Variants in FUT8 observed in about 807,000 individuals in gnomAD.
FUT8 encodes fucosyltransferase 8, also known as alpha-(1,6)-fucosyltransferase.
FUT8 carries 29 observed loss-of-function variants against 71.3 expected under a neutral mutation model. The ratio of observed to expected loss-of-function variants is 0.41; its 90% confidence interval spans 0.30 to 0.55. The LOEUF (loss-of-function observed/expected upper bound fraction) is 0.55. Ranked by LOEUF, FUT8 falls within the 20% of genes least tolerant of loss-of-function variation. The probability of loss-of-function intolerance (pLI) is 0.34; values close to 1 mark genes in which losing one functional copy is unlikely to be tolerated. For synonymous variants in FUT8, 254 were observed against 239.3 expected, an observed-to-expected ratio of 1.06 and a Z score of -0.57; for missense variants, 544 against 702.1, an observed-to-expected ratio of 0.77 and a Z score of 2.55.
At position 65,611,257 on chromosome 14, in the gene FUT8, A is replaced by ACCCCAAGTAATAGCCTTGATTTTG. The variant is rs1566851204; in HGVS notation, c.204-4720_204-4719insCCCAAGTAATAGCCTTGATTTTGC. 2.2e-4 allele frequency among the ~76,000 whole-genome samples: 17 copies of ACCCCAAGTAATAGCCTTGATTTTG among 78,006 alleles called. 3 individuals are homozygous for ACCCCAAGTAATAGCCTTGATTTTG. Among genetic ancestry groups the ACCCCAAGTAATAGCCTTGATTTTG allele is most frequent in the African/African-American group, 1.6e-3 (17 of 10,730 alleles). 51.2% of individuals were successfully genotyped at this position (78,006 alleles called of 152,430 possible). A position where few individuals can be genotyped will look rare whatever the true frequency, so the allele number is the denominator to read the frequency against. On this transcript the variant is annotated intron_variant, in intron 3 of 10. Transcript: ENST00000673929. ...CACACACACACACACACACACACAC[A>ACCCCAAGTAATAGCCTTGATTTTG]CACACACACACACACACACACACAC...
At chr14:65,632,068 T>TATACATATACATATACAC (rs1890213488) in intron 6 of FUT8, among the ~76,000 whole-genome samples, 1 of 152,202 alleles carries the variant, frequency 6.6e-6, no homozygotes, top group African/African-American at 2.4e-5. Context: ...CCACTCTGCA[T>TATACATATACATATACAC]ATACATATAC....
intron 3 of FUT8, among the ~76,000 whole-genome samples, chr14:65,577,050 A>G (rs148885844): frequency 1.3e-5 from 2 of 151,554 alleles, no homozygotes; most frequent in African/African-American, 2.4e-5. Context: ...GGGTCTCCCT[A>G]TGTTGCCCAG....
chr14:65,589,707 G>A (rs538050258), intron 3 of FUT8, among the ~76,000 whole-genome samples: 115 of 152,236 alleles, frequency 7.6e-4, no homozygotes, highest in African/African-American at 2.6e-3. Flanking sequence ...GCCTCCCAAA[G>A]TGCTGGGATT....
At chr14:65,549,655 T>C (rs1885176680) in intron 2 of FUT8, among the ~76,000 whole-genome samples, 1 of 152,218 alleles carries the variant, frequency 6.6e-6, no homozygotes, top group South Asian at 2.1e-4. Context: ...GCTTTTTGCC[T>C]AACTAATGAT....
In FUT8 at chr14:65,611,299, A is replaced by ACCC. The variant is rs1566851583; in HGVS notation, c.204-4678_204-4677insCCC. Among the ~76,000 whole-genome samples the ACCC allele has an allele frequency of 6.0e-5, 3 of 49,640 alleles. 1 individual carries two copies. Among genetic ancestry groups the ACCC allele is most frequent in the East Asian group, 1.1e-3 (1 of 930 alleles). The allele number at this position is 49,640 out of a possible 152,430, so 32.6% of individuals were successfully genotyped here. ...CACACACACACACACACACACACAC[A>ACCC]CACCCCCCAAGTAATAGCCTTGATT... On this transcript the variant is annotated intron_variant, in intron 3 of 10. Coordinates refer to ENST00000673929, the MANE Select transcript of FUT8 (RefSeq NM_001371533.1).
chr14:65,474,058 T>C (rs1158593836), intron 2 of FUT8, among the ~76,000 whole-genome samples: 2 of 152,110 alleles, frequency 1.3e-5, no homozygotes, highest in African/African-American at 4.8e-5. Context: ...CAAAACTGAA[T>C]ACCATATGTT....
chr14:65,720,539 A>G (rs1478555540), intron 7 of FUT8, among the ~76,000 whole-genome samples: 1 of 152,188 alleles, frequency 6.6e-6, no homozygotes, highest in African/African-American at 2.4e-5. Context: ...GGAAGGAAGG[A>G]GTCTCTTTTG....
intron 3 of FUT8, among the ~76,000 whole-genome samples, chr14:65,612,280 T>C (rs948356510): frequency 2.6e-5 from 4 of 152,216 alleles, no homozygotes; most frequent in Non-Finnish European, 5.9e-5. Context: ...ATTTTGTCTT[T>C]TAATAATTGT....
chr14:65,414,016 A>G (rs1595340367), intron 1 of FUT8, among the ~76,000 whole-genome samples: 1 of 152,284 alleles, frequency 6.6e-6, no homozygotes, highest in South Asian at 2.1e-4. Flanking sequence ...CATATAATAT[A>G]TAGATTGAGG....
the FUT8 span, among the ~76,000 whole-genome samples, chr14:65,396,284 G>A: frequency 6.6e-6 from 1 of 152,044 alleles, no homozygotes; most frequent in Non-Finnish European, 1.5e-5. This position sits in a 1 kb window ranked among gnomAD's most constrained non-coding sequence, Gnocchi z 5.5. Flanking sequence ...CCCACTCTTG[G>A]TACCAACTTA....
intron 3 of FUT8, among the ~76,000 whole-genome samples, chr14:65,601,287 A>C (rs1183757470): frequency 6.6e-6 from 1 of 152,334 alleles, no homozygotes; most frequent in East Asian, 1.9e-4. Context: ...TTCTCCATGT[A>C]TCGAATTTGA....
chr14:65,461,235 A>G (rs1303518374), intron 2 of FUT8, among the ~76,000 whole-genome samples: 7 of 152,158 alleles, frequency 4.6e-5, no homozygotes, highest in Non-Finnish European at 8.8e-5. Context: ...GCATAACTCC[A>G]ATCTCTACCT....
At chr14:65,648,797 A>G (rs965263726) in intron 6 of FUT8, among the ~76,000 whole-genome samples, 2 of 152,158 alleles carry the variant, frequency 1.3e-5, no homozygotes, top group Non-Finnish European at 2.9e-5. Context: ...CTTTTCATTT[A>G]GTTCTTAATT....
the FUT8 span, among the ~76,000 whole-genome samples, chr14:65,384,984 C>A: frequency 8.6e-4 from 130 of 151,968 alleles, no homozygotes; most frequent in Non-Finnish European, 1.5e-3. This position sits in a 1 kb window ranked among gnomAD's most constrained non-coding sequence, Gnocchi z 4.2. Context: ...CTCCACTGCC[C>A]GGGTTCAAGC....
At chr14:65,740,164 T>C (rs946862040) in intron 10 of FUT8, among the ~76,000 whole-genome samples, 4 of 152,038 alleles carry the variant, frequency 2.6e-5, no homozygotes, top group Admixed American at 6.6e-5. Flanking sequence ...ATGATCTCAA[T>C]TGTAAAATGA....
intron 6 of FUT8, among the ~76,000 whole-genome samples, chr14:65,640,750 G>T (rs1048052586): frequency 6.6e-6 from 1 of 151,040 alleles, no homozygotes; most frequent in Non-Finnish European, 1.5e-5. Flanking sequence ...TAAGAGAACT[G>T]ATATATTATG....
At chr14:65,359,833 C>CT in the FUT8 span, among the ~76,000 whole-genome samples, 204 of 150,598 alleles carry the variant, frequency 1.4e-3, no homozygotes, top group Admixed American at 4.2e-3. Context: ...AAGGCACACT[C>CT]TTTTTTTTTT....
intron 7 of FUT8, among the ~76,000 whole-genome samples, chr14:65,710,099 C>T (rs886723138): frequency 2.6e-5 from 4 of 152,062 alleles, no homozygotes; most frequent in Non-Finnish European, 5.9e-5. Flanking sequence ...CCTTTTTAAC[C>T]GAACTTCAGC....
chr14:65,700,393 T>TG (rs1894225897), intron 7 of FUT8, among the ~76,000 whole-genome samples: 1 of 127,230 alleles, frequency 7.9e-6, no homozygotes, highest in South Asian at 2.8e-4. Flanking sequence ...TTTTTTTTTT[T>TG]TTTTTTTTTT....
Sources: allele counts gnomAD v4.1 joint callset (sites outside exome capture counted in the v4.1 genomes callset), GRCh38; gene constraint gnomAD v4.1.1; non-coding constraint Gnocchi (gnomAD v3.1); transcripts MANE v1.5; gene names NCBI Gene and HGNC (gene_info 2026-07-23, HGNC 2026-07-21).